The following TTC29 variants were observed in gnomAD, a reference collection of about 807,000 sequenced individuals.
TTC29 encodes tetratricopeptide repeat domain 29, also known as tetratricopeptide repeat protein 29.
TTC29 carries 49 observed loss-of-function variants against 58.1 expected under a neutral mutation model. The ratio of observed to expected loss-of-function variants is 0.84; its 90% CI spans 0.67 to 1.07. The LOEUF is 1.07. Among genes scored for constraint, TTC29 ranks in the 50% least tolerant of loss-of-function variants. The pLI, the probability that TTC29 is intolerant of heterozygous loss-of-function variation, is 0.00. For synonymous variants in TTC29, 209 were observed against 196.8 expected, an observed-to-expected ratio of 1.06 and a Z score of -0.52; for missense variants, 582 against 555.6, an observed-to-expected ratio of 1.05 and a Z score of -0.48.
intron 6 of TTC29, among the ~76,000 whole-genome samples, chr4:146,876,445 T>C (rs948042878): frequency 5.3e-5 from 8 of 152,342 alleles, no homozygotes; most frequent in African/African-American, 1.7e-4. Context: ...TTAGACTCAA[T>C]ATCTTTCCTC....
intron 8 of TTC29, among the ~76,000 whole-genome samples, chr4:146,854,356 A>G (rs545654002): frequency 1.3e-5 from 2 of 152,296 alleles, no homozygotes; most frequent in East Asian, 3.9e-4. Context: ...GAAATGTCCA[A>G]AAATGTGTAT....
intron 11 of TTC29, among the ~76,000 whole-genome samples, chr4:146,796,902 C>T (rs573207249): frequency 2.0e-5 from 3 of 152,168 alleles, no homozygotes; most frequent in African/African-American, 4.8e-5. Context: ...CATTAGAAGG[C>T]CCCTTTGTGC....
At chr4:146,723,077 T>G (rs1441809754) in intron 11 of TTC29, among the ~76,000 whole-genome samples, 1 of 151,976 alleles carries the variant, frequency 6.6e-6, no homozygotes, top group Non-Finnish European at 1.5e-5. Context: ...TGAAACCCCG[T>G]TTCTACTAAA....
At chr4:146,894,191 A>G (rs1205082162) in intron 6 of TTC29, among the ~76,000 whole-genome samples, 1 of 152,192 alleles carries the variant, frequency 6.6e-6, no homozygotes, top group Admixed American at 6.5e-5. Context: ...TATATACCCA[A>G]AGGATTATAA....
intron 2 of TTC29, 91 bp from the exon 3 acceptor site, chr4:146,939,992 T>C: frequency 7.7e-7 from 1 of 1,299,568 alleles, no homozygotes. Flanking sequence ...CAGTCTGTCA[T>C]CTTAGTTGAG....
intron 11 of TTC29, among the ~76,000 whole-genome samples, chr4:146,784,731 T>C (rs1303550732): frequency 6.6e-6 from 1 of 152,168 alleles, no homozygotes; most frequent in African/African-American, 2.4e-5. Flanking sequence ...GTTTATAAGT[T>C]ACCCAATTAA....
intron 11 of TTC29, among the ~76,000 whole-genome samples, chr4:146,802,139 C>T (rs1352769925): frequency 2.0e-5 from 3 of 151,022 alleles, no homozygotes; most frequent in African/African-American, 4.9e-5. Flanking sequence ...CAAAATAAAT[C>T]TGAAAATGTG....
At chr4:146,810,585 CTTCTTTTTTTTTTT>C (rs201031678) in intron 10 of TTC29, among the ~76,000 whole-genome samples, 9,252 of 129,764 alleles carry the variant, frequency 0.071, 409 homozygotes, top group Admixed American at 0.16. Flanking sequence ...TTTTACATAC[CTTCTTTTTTTTTTT>C]TTTTTTTTTT....
At chr4:146,893,736 G>A (rs1732549628) in intron 6 of TTC29, among the ~76,000 whole-genome samples, 1 of 152,150 alleles carries the variant, frequency 6.6e-6, no homozygotes, top group African/African-American at 2.4e-5. Flanking sequence ...TACCATCAGA[G>A]TGAACGGGCA....
intron 4 of TTC29, among the ~76,000 whole-genome samples, chr4:146,937,092 G>C (rs1400870827): frequency 6.6e-6 from 1 of 151,886 alleles, no homozygotes; most frequent in Non-Finnish European, 1.5e-5. Context: ...GTCAAAGTTT[G>C]TATCGTTCAT....
At chr4:146,717,905 C>T (rs1743055362) in intron 11 of TTC29, among the ~76,000 whole-genome samples, 1 of 152,138 alleles carries the variant, frequency 6.6e-6, no homozygotes, top group Non-Finnish European at 1.5e-5. Context: ...CCATTTCCCT[C>T]ACCACTGATA....
intron 9 of TTC29, among the ~76,000 whole-genome samples, chr4:146,823,767 C>T (rs1751997711): frequency 1.3e-5 from 2 of 152,056 alleles, no homozygotes; most frequent in Admixed American, 1.3e-4. Context: ...TGTTTTCTCT[C>T]TTATTTCCTT....
chr4:146,825,301 C>G (rs1012246989), intron 9 of TTC29, among the ~76,000 whole-genome samples: 37 of 152,064 alleles, frequency 2.4e-4, no homozygotes, highest in Non-Finnish European at 1.2e-4. Context: ...GTTATGTTGT[C>G]TCTTTGCTCT....
intron 3 of TTC29, 80 bp from the exon 4 acceptor site, chr4:146,937,757 G>T: frequency 2.6e-6 from 2 of 774,082 alleles, no homozygotes; most frequent in Admixed American, 3.2e-5. Context: ...GCCACCAGGA[G>T]AATAGAAATA....
chr4:146,932,621 A>T (rs1735426917), intron 4 of TTC29, among the ~76,000 whole-genome samples: 1 of 152,220 alleles, frequency 6.6e-6, no homozygotes, highest in Non-Finnish European at 1.5e-5. Context: ...TGTAGTTCAT[A>T]AAAGCATCTT....
Position 146,929,368 on chromosome 4 carries a change from C to T in TTC29, c.176+8226G>A, listed in dbSNP as rs1022863669. On this transcript the variant is annotated intron_variant, in intron 4 of 12. Transcript: ENST00000325106. ...GTCATGCCTTGCCCTTGTCCCCAGA[C>T]AGTCTGTCCTTTTCACAGTGGCCAA... 7.2e-5 allele frequency among the ~76,000 whole-genome samples: 11 copies of T among 151,814 alleles called. No homozygotes were observed. In the East Asian group the frequency reaches 1.4e-3, roughly 19 times the overall value.
At chr4:146,851,635 A>G (rs1274387241) in intron 8 of TTC29, among the ~76,000 whole-genome samples, 1 of 152,348 alleles carries the variant, frequency 6.6e-6, no homozygotes, top group Non-Finnish European at 1.5e-5. Flanking sequence ...GATTGTAGGT[A>G]TAATATGCTG....
At position 146,937,655 on chromosome 4, in the gene TTC29, CT is replaced by C; in HGVS notation, c.114del (p.Asp39MetfsTer3). 6.5e-7 allele frequency: 1 copy of C among 1,530,592 alleles called. No individual in the cohort carries two copies. Among genetic ancestry groups the C allele is most frequent in the South Asian group, 1.2e-5 (1 of 80,640 alleles). 94.8% of individuals were successfully genotyped at this position (1,530,592 alleles called of 1,614,324 possible). ...KIPRSQLIKE[K>X]DDIDHYLEVN... ...ACCTCTAGATAATGATCTATGTCAT[CT>C]TTTTCTTTGATCAATTGAGACCTAA... On this transcript the variant is annotated frameshift_variant, in exon 4 of 13. Coordinates refer to ENST00000325106, the MANE Select transcript of TTC29 (RefSeq NM_031956.4). LOFTEE classifies it high-confidence loss of function.
chr4:146,731,715 T>G (rs769789707), intron 11 of TTC29, among the ~76,000 whole-genome samples: 1 of 152,202 alleles, frequency 6.6e-6, no homozygotes, highest in Non-Finnish European at 1.5e-5. Context: ...ATATTAAAAT[T>G]ATCCTCTGAG....
Sources: gnomAD v4.1 joint callset for allele counts (sites outside exome capture counted in the v4.1 genomes callset) on GRCh38, gnomAD v4.1.1 for gene constraint, MANE v1.5 for transcripts, NCBI Gene and HGNC (gene_info 2026-07-23, HGNC 2026-07-21) for gene names.